WDR27: variants seen among roughly 807,000 people sequenced by gnomAD.
WDR27 encodes WD repeat-containing protein 27.
WDR27 carries 100 observed loss-of-function variants against 114.4 expected under a neutral mutation model. The observed-to-expected ratio is 0.87, with a 90% CI of 0.74 to 1.03. WDR27 has a LOEUF of 1.03. Among genes scored for constraint, WDR27 ranks in the 50% least tolerant of loss-of-function variants. The pLI is 0.00. For missense variants in WDR27, 1,129 were observed against 1,092.9 expected (o/e 1.03, Z -0.47); for synonymous variants, 449 against 423.1 (o/e 1.06, Z -0.75).
chr6:169,599,709 C>T (rs1201448144), intron 23 of WDR27, among the ~76,000 whole-genome samples: 1 of 152,074 alleles, frequency 6.6e-6, no homozygotes, highest in African/African-American at 2.4e-5. Context: ...TTCAAAAAAC[C>T]GGCTCCTGGA....
intron 25 of WDR27, among the ~76,000 whole-genome samples, chr6:169,538,737 A>ACACACACACAC (rs1584064726): frequency 1.7e-5 from 2 of 120,828 alleles, no homozygotes; most frequent in Non-Finnish European, 3.4e-5. Context: ...CACACACACA[A>ACACACACACAC]ACACACTTAT....
chr6:169,590,901 G>C (rs1460505633), intron 23 of WDR27, among the ~76,000 whole-genome samples: 1 of 152,152 alleles, frequency 6.6e-6, no homozygotes, highest in Non-Finnish European at 1.5e-5. Context: ...GGACATTTAG[G>C]GTACTTCCAC....
intron 21 of WDR27, among the ~76,000 whole-genome samples, chr6:169,615,591 T>G (rs189374815): frequency 7.7e-4 from 117 of 152,336 alleles, no homozygotes; most frequent in Non-Finnish European, 8.1e-4. Flanking sequence ...TGCAGAAGGT[T>G]GAAACTGGAC....
intron 25 of WDR27, among the ~76,000 whole-genome samples, chr6:169,561,342 A>G (rs59062803): frequency 0.016 from 2,460 of 152,252 alleles, 64 homozygotes; most frequent in African/African-American, 0.057. Flanking sequence ...CATCATCTTA[A>G]GAGAGAGGCT....
intron 21 of WDR27, among the ~76,000 whole-genome samples, chr6:169,622,637 TATTATTC>T (rs1271344120): frequency 1.3e-5 from 2 of 152,350 alleles, no homozygotes; most frequent in East Asian, 3.9e-4. Flanking sequence ...ACATAAAATC[TATTATTC>T]ATTATTTTTA....
chr6:169,483,267 A>T (rs1416663867), intron 25 of WDR27, among the ~76,000 whole-genome samples: 1 of 152,142 alleles, frequency 6.6e-6, no homozygotes, highest in Non-Finnish European at 1.5e-5. Context: ...AAAAATTAGT[A>T]AGAGACTGCT....
the WDR27 span, among the ~76,000 whole-genome samples, chr6:169,447,840 G>C: frequency 1.3e-5 from 2 of 152,190 alleles, no homozygotes; most frequent in Admixed American, 1.3e-4. Context: ...TCTATATACA[G>C]AATAATTCAT....
rs914987523 is a variant in WDR27, at chr6:169,666,734, T to G, written c.712+402A>C. On this transcript the variant is annotated intron_variant, in intron 6 of 25. Transcript: ENST00000448612. ...TGCACACGTGCTCAGGACCTGACCATGAGGCCAGGTGTGGCGCACGCCCAA... is the reference window on the plus strand; with the variant it reads ...TGCACACGTGCTCAGGACCTGACCAGGAGGCCAGGTGTGGCGCACGCCCAA... 3 of 991,670 alleles carry G rather than the reference T, an allele frequency of 3.0e-6. No homozygotes were observed. The African/African-American group carries it at 5.2e-5, about 17-fold the overall frequency. The allele number at this position is 991,670 out of a possible 1,614,324, so 61.4% of individuals were successfully genotyped here.
intron 25 of WDR27, among the ~76,000 whole-genome samples, chr6:169,501,985 G>C (rs558865296): frequency 6.6e-6 from 1 of 152,246 alleles, no homozygotes; most frequent in Non-Finnish European, 1.5e-5. Context: ...GCCAAGGACT[G>C]GGCCGGATCG....
intron 13 of WDR27, among the ~76,000 whole-genome samples, chr6:169,655,834 C>T (rs1273012092): frequency 6.6e-6 from 1 of 152,230 alleles, no homozygotes; most frequent in Non-Finnish European, 1.5e-5. Context: ...ATTCTCCTGC[C>T]TCAGCCTCCT....
intron 15 of WDR27, among the ~76,000 whole-genome samples, chr6:169,648,374 C>T (rs1352198015): frequency 6.6e-6 from 1 of 152,162 alleles, no homozygotes; most frequent in Non-Finnish European, 1.5e-5. Flanking sequence ...CCCAAGAGAG[C>T]CAAATGCAGA....
chr6:169,676,438 ATG>A (rs1172482979), intron 2 of WDR27, among the ~76,000 whole-genome samples: 2 of 152,180 alleles, frequency 1.3e-5, no homozygotes, highest in Non-Finnish European at 2.9e-5. Context: ...AACTCCAATT[ATG>A]TTTCTTTACC....
intron 25 of WDR27, among the ~76,000 whole-genome samples, chr6:169,550,138 C>T (rs564723393): frequency 6.6e-6 from 1 of 152,314 alleles, no homozygotes; most frequent in East Asian, 1.9e-4. Context: ...GGGAAATCTC[C>T]ATACTTTCCT....
the WDR27 span, among the ~76,000 whole-genome samples, chr6:169,437,602 T>C: frequency 6.6e-6 from 1 of 152,282 alleles, no homozygotes; most frequent in South Asian, 2.1e-4. Flanking sequence ...TGCAACCCAC[T>C]CCATGTGATT....
chr6:169,559,120 C>G (rs879900104), intron 25 of WDR27: 9 of 152,198 alleles, frequency 5.9e-5, no homozygotes, highest in Non-Finnish European at 1.2e-4. Flanking sequence ...AAGCCAATCC[C>G]TTATGTTCTC....
intron 13 of WDR27, among the ~76,000 whole-genome samples, chr6:169,653,010 G>A (rs1032254771): frequency 1.3e-5 from 2 of 152,212 alleles, no homozygotes; most frequent in African/African-American, 4.8e-5. Context: ...CAGGAGACTC[G>A]TGTCTCCTTC....
At chr6:169,564,168 C>G (rs1800089701) in intron 25 of WDR27, among the ~76,000 whole-genome samples, 1 of 152,238 alleles carries the variant, frequency 6.6e-6, no homozygotes, top group Non-Finnish European at 1.5e-5. Flanking sequence ...GTCCAAGAGT[C>G]CAAAAGCTGA....
intron 25 of WDR27, among the ~76,000 whole-genome samples, chr6:169,497,900 G>GATAT (rs146524721): frequency 3.3e-5 from 5 of 151,350 alleles, no homozygotes; most frequent in Non-Finnish European, 7.4e-5. Context: ...TCCACTTCTG[G>GATAT]ATATATATAT....
At chr6:169,672,109 A>G in intron 3 of WDR27, 146 bp downstream of exon 3, 1 of 756,068 alleles carries the variant, frequency 1.3e-6, no homozygotes, top group Non-Finnish European at 2.0e-6. Flanking sequence ...CCTGGGTTCA[A>G]GGTAAAGAGA....
Sources: allele counts gnomAD v4.1 joint callset (sites outside exome capture counted in the v4.1 genomes callset), GRCh38; gene constraint gnomAD v4.1.1; transcripts MANE v1.5; gene names NCBI Gene and HGNC (gene_info 2026-07-23, HGNC 2026-07-21).